The following KCTD1 variants were observed in gnomAD, a reference collection of about 807,000 sequenced individuals.
The protein encoded by KCTD1 is potassium channel tetramerization domain containing 1, also known as BTB/POZ domain-containing protein KCTD1.
A neutral mutation model predicts 66.0 loss-of-function variants in KCTD1; 24 were observed. The observed-to-expected ratio is 0.36, with a 90% CI of 0.26 to 0.51. The LOEUF (loss-of-function observed/expected upper bound fraction) is 0.51, where lower values mean the gene tolerates loss of function less well. Among genes scored for constraint, KCTD1 ranks in the 20% least tolerant of loss-of-function variants. The pLI is 0.95. For missense variants in KCTD1, 943 were observed against 1,205.2 expected, an observed-to-expected ratio of 0.78 and a Z score of 3.22; for synonymous variants, 511 against 517.2, an observed-to-expected ratio of 0.99 and a Z score of 0.16.
At chr18:26,570,352 G>A (rs1285056201) in intron 1 of KCTD1, among the ~76,000 whole-genome samples, 1 of 152,014 alleles carries the variant, frequency 6.6e-6, no homozygotes, top group Non-Finnish European at 1.5e-5. Context: ...CATACTCTGA[G>A]TGTAACTCCA....
intron 1 of KCTD1, among the ~76,000 whole-genome samples, chr18:26,504,113 C>T (rs1982907118): frequency 6.6e-6 from 1 of 152,206 alleles, no homozygotes; most frequent in South Asian, 2.1e-4. Context: ...GTTGCCCAGG[C>T]TGGAGTGCAG....
intron 1 of KCTD1, among the ~76,000 whole-genome samples, chr18:26,603,979 C>T (rs1033432819): frequency 3.3e-5 from 5 of 152,088 alleles, no homozygotes; most frequent in African/African-American, 1.2e-4. Flanking sequence ...AGACAACCTA[C>T]AGAATGGGAG....
At chr18:26,650,751 T>C (rs1024374083) in intron 1 of KCTD1, among the ~76,000 whole-genome samples, 5 of 152,240 alleles carry the variant, frequency 3.3e-5, no homozygotes, top group African/African-American at 1.2e-4. Context: ...TTACACACAT[T>C]TTCTGTTCCA....
At chr18:26,533,627 T>A (rs1984551459) in intron 1 of KCTD1, among the ~76,000 whole-genome samples, 1 of 152,062 alleles carries the variant, frequency 6.6e-6, no homozygotes, top group African/African-American at 2.4e-5. Context: ...AGCCTCCGAG[T>A]AGCTGGGACT....
intron 3 of KCTD1, among the ~76,000 whole-genome samples, chr18:26,475,494 T>C (rs1470496850): frequency 6.6e-6 from 1 of 152,202 alleles, no homozygotes; most frequent in East Asian, 1.9e-4. Context: ...TTCCTAGGTG[T>C]TATAATTTTT....
intron 1 of KCTD1, among the ~76,000 whole-genome samples, chr18:26,532,891 T>G (rs890439420): frequency 6.6e-6 from 1 of 152,320 alleles, no homozygotes; most frequent in Non-Finnish European, 1.5e-5. Context: ...GTCAAGTCCA[T>G]GGGAAACAAG....
chr18:26,621,513 C>A (rs907859106), intron 1 of KCTD1, among the ~76,000 whole-genome samples: 9 of 151,932 alleles, frequency 5.9e-5, no homozygotes, highest in Non-Finnish European at 1.3e-4. Context: ...ACGAGACAAG[C>A]AGGGGCGACA....
intron 1 of KCTD1, among the ~76,000 whole-genome samples, chr18:26,611,466 T>G (rs923821262): frequency 6.6e-6 from 1 of 152,172 alleles, no homozygotes; most frequent in African/African-American, 2.4e-5. Context: ...TTCTCCTGTC[T>G]CAACCACCTG....
At chr18:26,654,990 C>G (rs1988102777) in intron 1 of KCTD1, among the ~76,000 whole-genome samples, 1 of 152,208 alleles carries the variant, frequency 6.6e-6, no homozygotes, top group Admixed American at 6.5e-5. Context: ...TGCCCATTAT[C>G]CAGGAGACAA....
chr18:26,517,339 C>T (rs1317831718), intron 1 of KCTD1, among the ~76,000 whole-genome samples: 2 of 151,992 alleles, frequency 1.3e-5, no homozygotes, highest in African/African-American at 2.4e-5. Context: ...ATAAGTCTCA[C>T]GAGATCTGAT....
intron 1 of KCTD1, among the ~76,000 whole-genome samples, chr18:26,573,257 G>T (rs905777141): frequency 6.6e-6 from 1 of 152,110 alleles, no homozygotes; most frequent in Non-Finnish European, 1.5e-5. Context: ...AGGCTGGGGG[G>T]AGGGGAGAAT....
upstream of KCTD1, chr18:26,548,827 T>C (rs540078177): frequency 5.5e-4 from 570 of 1,042,208 alleles, no homozygotes; most frequent in African/African-American, 9.2e-3. Context: ...AAGAAAACTT[T>C]GAAGGAAAAA....
Position 26,617,845 on chromosome 18 carries a change from AAGGAAGGGAGGGAGGG to A in KCTD1, c.-16+11286_-16+11301del, listed in dbSNP as rs759352690. Among the ~76,000 whole-genome samples, 13 of 91,484 alleles carry A rather than the reference AAGGAAGGGAGGGAGGG, an allele frequency of 1.4e-4. No individual in the cohort carries two copies. The South Asian group carries it at 1.6e-3, about 11-fold the overall frequency. The allele number at this position is 91,484 out of a possible 152,430, so 60.0% of individuals were successfully genotyped here. On this transcript the variant is annotated intron_variant, in intron 1 of 4. Coordinates refer to the KCTD1 transcript ENST00000317932. ...CAATCAGAGGAAGAAGGAAGGAAGG[AAGGAAGGGAGGGAGGG>A]AGGGAGGGAGGGAGGGAGGGAAGGA...
intron 1 of KCTD1, among the ~76,000 whole-genome samples, chr18:26,650,748 C>A (rs1988015382): frequency 6.6e-6 from 1 of 152,238 alleles, no homozygotes; most frequent in African/African-American, 2.4e-5. Flanking sequence ...GTTTTACACA[C>A]ATTTTCTGTT....
intron 1 of KCTD1, among the ~76,000 whole-genome samples, chr18:26,648,842 T>C (rs1195572035): frequency 6.6e-6 from 1 of 152,202 alleles, no homozygotes; most frequent in East Asian, 1.9e-4. Context: ...CGCACTTCCA[T>C]CTCCTCATCT....
At chr18:26,570,075 A>G (rs1441037187) in intron 1 of KCTD1, among the ~76,000 whole-genome samples, 5 of 151,912 alleles carry the variant, frequency 3.3e-5, no homozygotes, top group South Asian at 2.1e-4. Flanking sequence ...AATCCCAGCT[A>G]TTAGGGAGGC....
At chr18:26,568,255 C>T (rs1304471332) in intron 1 of KCTD1, among the ~76,000 whole-genome samples, 3 of 151,410 alleles carry the variant, frequency 2.0e-5, no homozygotes, top group African/African-American at 7.3e-5. Flanking sequence ...TATTTTTTTC[C>T]AAGACAGGGT....
intron 2 of KCTD1, among the ~76,000 whole-genome samples, chr18:26,499,417 G>A (rs1598899002): frequency 6.6e-6 from 1 of 152,168 alleles, no homozygotes; most frequent in African/African-American, 2.4e-5. Flanking sequence ...CTTAGGGAAG[G>A]TGGGGACTAA....
chr18:26,636,993 A>G (rs1987737231), intron 1 of KCTD1, among the ~76,000 whole-genome samples: 2 of 152,226 alleles, frequency 1.3e-5, no homozygotes. Flanking sequence ...GAAGCGGTGA[A>G]GCGGGGATTC....
Sources: gnomAD v4.1 joint callset for allele counts (sites outside exome capture counted in the v4.1 genomes callset) on GRCh38, gnomAD v4.1.1 for gene constraint, MANE v1.5 for transcripts, NCBI Gene and HGNC (gene_info 2026-07-23, HGNC 2026-07-21) for gene names.